GLDN: variants seen among roughly 807,000 people sequenced by gnomAD.
GLDN encodes the protein gliomedin.
A neutral mutation model predicts 56.5 loss-of-function variants in GLDN; 47 were observed. That is an observed-to-expected ratio of 0.83 (90% CI 0.66 to 1.06). GLDN has a LOEUF of 1.06. Ranked by LOEUF, GLDN falls within the 50% of genes least tolerant of loss-of-function variation. The pLI is 0.00. For synonymous variants in GLDN, 332 were observed against 278.8 expected (o/e 1.19, Z -1.90); for missense variants, 782 against 714.3 (o/e 1.09, Z -1.08).
At chr15:51,371,756 C>T (rs1467571833) in intron 1 of GLDN, among the ~76,000 whole-genome samples, 1 of 152,200 alleles carries the variant, frequency 6.6e-6, no homozygotes, top group Non-Finnish European at 1.5e-5. Context: ...GATCTCAGCT[C>T]ACTGCAACCT....
At position 51,401,751 on chromosome 15, in the gene GLDN, G is replaced by T; in HGVS notation, c.1178+8G>T. 5 of 1,610,584 alleles carry T rather than the reference G, an allele frequency of 3.1e-6. No homozygotes were observed. Among genetic ancestry groups the T allele is most frequent in the Non-Finnish European group, 4.2e-6 (5 of 1,177,976 alleles). On this transcript the variant is annotated splice_region_variant and intron_variant, in intron 9 of 9. Transcript: ENST00000335449. Reference sequence around the variant, plus strand: ...TTCTAATACCCTAGTGAGGTAAGTCGCACCACAGCACCTTCTCACGCCTCT... The same window carrying T: ...TTCTAATACCCTAGTGAGGTAAGTCTCACCACAGCACCTTCTCACGCCTCT...
intron 2 of GLDN, among the ~76,000 whole-genome samples, chr15:51,382,785 C>G (rs2037795779): frequency 6.6e-6 from 1 of 152,002 alleles, no homozygotes; most frequent in East Asian, 1.9e-4. Flanking sequence ...ATGTTACAAC[C>G]TCATTAGCTT....
chr15:51,400,466 A>T lies in GLDN; in HGVS notation c.995A>T (p.Asp332Val). 1 of 1,614,220 alleles carries T rather than the reference A, an allele frequency of 6.2e-7. No individual in the cohort carries two copies. Among genetic ancestry groups the T allele is most frequent in the South Asian group, 1.1e-5 (1 of 91,088 alleles). Residue 332 changes from aspartate to valine, a missense_variant, in exon 8 of 10, where the codon GAT becomes GTT. Transcript: ENST00000335449. The stretch of plus-strand genomic sequence containing the variant: ...ATAAGAGAGTCTGCTAACAAGAGTG[A>T]TGACCGGATTTGGGTGACAGAGCAT... ...TWIRESANKS[D>V]DRIWVTEHFS...
chr15:51,390,065 A>G (rs1259284542), intron 4 of GLDN, among the ~76,000 whole-genome samples: 1 of 152,224 alleles, frequency 6.6e-6, no homozygotes, highest in Non-Finnish European at 1.5e-5. Context: ...CTGGAGCCAG[A>G]TGGTTTGTGT....
At chr15:51,387,875 C>T (rs1414586848) in intron 4 of GLDN, among the ~76,000 whole-genome samples, 1 of 152,230 alleles carries the variant, frequency 6.6e-6, no homozygotes, top group Non-Finnish European at 1.5e-5. Flanking sequence ...TCTCCGTACA[C>T]TCAGCTCATC....
intron 2 of GLDN, among the ~76,000 whole-genome samples, chr15:51,380,069 G>A (rs938919198): frequency 1.3e-5 from 2 of 152,162 alleles, no homozygotes; most frequent in African/African-American, 4.8e-5. Flanking sequence ...GGTGGCAGAA[G>A]TTACTGATGG....
At chr15:51,343,951 C>G (rs2036932541) in intron 1 of GLDN, among the ~76,000 whole-genome samples, 1 of 152,182 alleles carries the variant, frequency 6.6e-6, no homozygotes, top group African/African-American at 2.4e-5. Flanking sequence ...GCAGATGGTC[C>G]AGGCACCACA....
At chr15:51,391,493 T>C (rs1208358226) in intron 4 of GLDN, among the ~76,000 whole-genome samples, 1 of 152,234 alleles carries the variant, frequency 6.6e-6, no homozygotes, top group Non-Finnish European at 1.5e-5. Context: ...TGGTGCACTG[T>C]GCAGGCTGGA....
downstream of GLDN, among the ~76,000 whole-genome samples, chr15:51,411,244 A>G (rs79624497): frequency 3.4e-3 from 523 of 152,234 alleles, 18 homozygotes; most frequent in East Asian, 0.062. Context: ...TTATAAAGAG[A>G]CTCTTGTCTC....
chr15:51,381,869 C>A (rs566593335), intron 2 of GLDN, among the ~76,000 whole-genome samples: 1 of 151,880 alleles, frequency 6.6e-6, no homozygotes. Flanking sequence ...CATCTACCAA[C>A]GACAAAGAGG....
At chr15:51,367,919 G>A (rs962840019) in intron 1 of GLDN, among the ~76,000 whole-genome samples, 1 of 152,204 alleles carries the variant, frequency 6.6e-6, no homozygotes, top group Admixed American at 6.5e-5. Flanking sequence ...ATAGAGACAG[G>A]AAGGGGATAG....
At chr15:51,370,990 A>G (rs1248263599) in intron 1 of GLDN, among the ~76,000 whole-genome samples, 2 of 151,978 alleles carry the variant, frequency 1.3e-5, no homozygotes, top group South Asian at 2.1e-4. Context: ...GTGAGACTCC[A>G]TCTCAAAAAA....
chr15:51,399,941 G>A (rs186944068), intron 6 of GLDN, among the ~76,000 whole-genome samples: 1 of 152,298 alleles, frequency 6.6e-6, no homozygotes, highest in African/African-American at 2.4e-5. Flanking sequence ...ACGTCCTTTT[G>A]GGATTGTATT....
chr15:51,387,794 T>C (rs2037931994), intron 4 of GLDN, among the ~76,000 whole-genome samples: 2 of 151,892 alleles, frequency 1.3e-5, no homozygotes, highest in South Asian at 4.2e-4. Context: ...TAGGGTGGGG[T>C]GTGCCCTCTA....
At chr15:51,380,857 C>T (rs949384001) in intron 2 of GLDN, among the ~76,000 whole-genome samples, 5 of 152,194 alleles carry the variant, frequency 3.3e-5, no homozygotes, top group Non-Finnish European at 7.3e-5. Flanking sequence ...TCAAGAACCC[C>T]TCTAAGGATC....
chr15:51,349,899 C>G (rs968426161), intron 1 of GLDN, among the ~76,000 whole-genome samples: 44 of 152,182 alleles, frequency 2.9e-4, no homozygotes, highest in African/African-American at 1.0e-3. Flanking sequence ...GCCACCATGC[C>G]CAGCTAATTT....
At chr15:51,386,767 G>C (rs1416314724) in intron 4 of GLDN, among the ~76,000 whole-genome samples, 2 of 152,176 alleles carry the variant, frequency 1.3e-5, no homozygotes, top group Non-Finnish European at 2.9e-5. Flanking sequence ...CCAGTGGACA[G>C]TGGATACAGG....
intron 1 of GLDN, among the ~76,000 whole-genome samples, chr15:51,347,691 C>T (rs74016719): frequency 2.0e-5 from 3 of 152,362 alleles, no homozygotes; most frequent in South Asian, 2.1e-4. Context: ...TACAAATACT[C>T]TTTGACCCAG....
At chr15:51,344,007 C>G (rs1190826078) in intron 1 of GLDN, among the ~76,000 whole-genome samples, 1 of 152,198 alleles carries the variant, frequency 6.6e-6, no homozygotes, top group Non-Finnish European at 1.5e-5. Flanking sequence ...CTTTATTGTG[C>G]ACAGGAATAT....
Sources: allele counts gnomAD v4.1 joint callset (sites outside exome capture counted in the v4.1 genomes callset), GRCh38; gene constraint gnomAD v4.1.1; transcripts MANE v1.5; gene names NCBI Gene and HGNC (gene_info 2026-07-23, HGNC 2026-07-21).